CDKN2A: variants seen among roughly 807,000 people sequenced by gnomAD.
CDKN2A encodes cyclin dependent kinase inhibitor 2A, also known as cyclin-dependent kinase inhibitor 2A.
In CDKN2A, 3 loss-of-function variants were observed where a neutral mutation model predicts 11.1. The observed-to-expected ratio is 0.27, with a 90% confidence interval of 0.12 to 0.70. The LOEUF (loss-of-function observed/expected upper bound fraction) is 0.70. CDKN2A is among the 30% of genes least tolerant of loss of function. The probability of loss-of-function intolerance (pLI) is 0.77; values close to 1 mark genes in which losing one functional copy is unlikely to be tolerated. For missense variants in CDKN2A, 265 were observed against 233.6 expected (o/e 1.13, Z -0.88); for synonymous variants, 122 against 108.1 (o/e 1.13, Z -0.80).
chr9:21,970,747 G>T, intron 2 of CDKN2A, 155 bp downstream of exon 2: 1 of 920,342 alleles, frequency 1.1e-6, no homozygotes, highest in African/African-American at 1.6e-5. Context: ...GGCGGGGCAG[G>T]GCGATAGGGA....
chr9:21,993,799 CTGTGTGTGTG>C (rs71336508), intron 2 of CDKN2A: 11,693 of 246,850 alleles, frequency 0.047, 146 homozygotes, highest in Non-Finnish European at 0.058. Flanking sequence ...ACCTTTCCTA[CTGTGTGTGTG>C]TGTGTGTGTG....
At chr9:21,975,214 C>T, upstream of CDKN2A, 1 of 1,050,188 alleles carries the variant, frequency 9.5e-7, no homozygotes, top group Non-Finnish European at 1.2e-6. Context: ...TCCCTGCTCC[C>T]AGCCGCGCTC....
chr9:21,972,253 C>G (rs1819801395), intron 1 of CDKN2A, among the ~76,000 whole-genome samples: 1 of 152,132 alleles, frequency 6.6e-6, no homozygotes. Context: ...CCCCCACCCC[C>G]AATGTCTATG....
intron 2 of CDKN2A, chr9:21,989,868 G>C (rs184738708): frequency 6.6e-6 from 1 of 152,364 alleles, no homozygotes; most frequent in Admixed American, 6.5e-5. Flanking sequence ...AGTGCGCGCG[G>C]TGGAGTGATA....
upstream of CDKN2A, among the ~76,000 whole-genome samples, chr9:21,976,617 A>C (rs1288147206): frequency 6.6e-6 from 1 of 151,714 alleles, no homozygotes; most frequent in Non-Finnish European, 1.5e-5. Flanking sequence ...TCGGAGGCTG[A>C]TGTAGGAGAA....
intron 2 of CDKN2A, chr9:21,970,288 TC>T (rs1469483667): frequency 4.2e-6 from 1 of 237,984 alleles, no homozygotes; most frequent in Non-Finnish European, 8.2e-6. Context: ...AGGAGCCAAC[TC>T]CGGTGCACAG....
chr9:21,984,275 C>G (rs955091258), intron 2 of CDKN2A, among the ~76,000 whole-genome samples: 1 of 151,870 alleles, frequency 6.6e-6, no homozygotes. Flanking sequence ...CATGTTATGA[C>G]AGAAGAATTT....
At chr9:21,993,476 G>A (rs1271989586) in intron 2 of CDKN2A, among the ~76,000 whole-genome samples, 2 of 152,122 alleles carry the variant, frequency 1.3e-5, no homozygotes, top group Non-Finnish European at 2.9e-5. Flanking sequence ...GCATTGTCCC[G>A]AGCAGTTTCA....
In CDKN2A at chr9:21,968,131, G is replaced by A. The variant is rs1819497602; in HGVS notation, c.*98C>T. ...TATTTTCTAAATGAAAACTACGAAA[G>A]CGGGGTGGGTTGTGGCGGGGGCAGT... On this transcript the variant is annotated 3_prime_UTR_variant, in exon 3 of 3. Transcript: ENST00000304494. This position sits in a 1 kb window ranked among gnomAD's most constrained non-coding sequence, Gnocchi z 4.7. 7 of 1,026,072 alleles carry A rather than the reference G, an allele frequency of 6.8e-6. No homozygotes were observed. The highest frequency in any genetic ancestry group is 9.3e-6 in the Non-Finnish European group (6 of 643,604). 63.6% of individuals were successfully genotyped at this position (1,026,072 alleles called of 1,614,324 possible).
At chr9:21,990,026 G>C (rs901096290) in intron 2 of CDKN2A, 2 of 152,472 alleles carry the variant, frequency 1.3e-5, no homozygotes, top group Admixed American at 1.3e-4. Flanking sequence ...TGGAGGAGCA[G>C]CGTGCATCTC....
chr9:21,974,588 C>T lies in CDKN2A; in HGVS notation c.150+90G>A, dbSNP rs535365274. The T allele has an allele frequency of 6.2e-7, 1 of 1,613,896 alleles. No homozygotes were observed. Among genetic ancestry groups the T allele is most frequent in the Non-Finnish European group, 8.5e-7 (1 of 1,179,988 alleles). On this transcript the variant is annotated intron_variant, in intron 1 of 2. Transcript: ENST00000304494. This position sits in a 1 kb window ranked among gnomAD's most constrained non-coding sequence, Gnocchi z 5.2. The stretch of plus-strand genomic sequence containing the variant: ...GAAGCCTCCCCTTTTTCCGGAGAAT[C>T]GAAGCGCTACCTGATTCCAATTCCC...
rs147763861 is a variant in CDKN2A at position 21,990,206 on chromosome 9, T to A, written c.-4+3676A>T. On this transcript the variant is annotated intron_variant, in intron 2 of 3. Transcript: ENST00000494262. ...AGATCCCAAGAAGGGCGCCAAGTGC[T>A]GTGACCAGAGGCCTAACACGAGGCA... is the stretch of plus-strand genomic sequence containing the variant. Among the ~76,000 whole-genome samples the A allele has an allele frequency of 5.7e-3, 862 of 152,220 alleles. 9 individuals carry two copies. Among genetic ancestry groups the A allele is most frequent in the African/African-American group, 0.02 (820 of 41,536 alleles).
upstream of CDKN2A, among the ~76,000 whole-genome samples, chr9:21,976,195 A>G (rs1165979089): frequency 1.3e-5 from 2 of 151,936 alleles, no homozygotes; most frequent in African/African-American, 2.4e-5. Context: ...CTTGGCCAAA[A>G]TGGTGACACC....
chr9:21,977,459 G>C (rs749362348), upstream of CDKN2A, among the ~76,000 whole-genome samples: 2 of 152,068 alleles, frequency 1.3e-5, no homozygotes, highest in Non-Finnish European at 2.9e-5. Flanking sequence ...TCCGCCTCCC[G>C]GGTTCGAGCA....
chr9:21,968,378 A>G lies in CDKN2A; in HGVS notation c.458-136T>C, dbSNP rs1044592281. On this transcript the variant is annotated intron_variant, in intron 2 of 2. Coordinates refer to ENST00000304494, the MANE Select transcript of CDKN2A (RefSeq NM_000077.5). The surrounding 1 kb of genome is among the most constrained non-coding windows in gnomAD (Gnocchi z 4.7). Reference sequence around the variant, plus strand: ...AAGTTCTCGCAATGGCTTCACGTGCATGTACCCGCCGCCACCGCTCTCCCA... The same window carrying G: ...AAGTTCTCGCAATGGCTTCACGTGCGTGTACCCGCCGCCACCGCTCTCCCA... 4 of 1,502,374 alleles carry G rather than the reference A, an allele frequency of 2.7e-6. No homozygotes were observed. In the African/African-American group the frequency reaches 5.5e-5, roughly 21 times the overall value. The allele number at this position is 1,502,374 out of a possible 1,614,324, so 93.1% of individuals were successfully genotyped here. A position where few individuals can be genotyped will look rare whatever the true frequency, so the allele number is the denominator to read the frequency against.
rs72547294 is a variant in CDKN2A, at chr9:21,991,807, T to C, written c.-4+2075A>G. Reference sequence around the variant, plus strand: ...TAAGTCTTGATTTCTGAAAGGGCTATGGTTCACTTGGAACACAATACAAAC... The same window carrying C: ...TAAGTCTTGATTTCTGAAAGGGCTACGGTTCACTTGGAACACAATACAAAC... On this transcript the variant is annotated intron_variant, in intron 2 of 3. Coordinates refer to the CDKN2A transcript ENST00000494262. The surrounding 1 kb of genome is among the most constrained non-coding windows in gnomAD (Gnocchi z 5.2). 1 of 985,258 alleles carries C rather than the reference T, an allele frequency of 1.0e-6. No homozygotes were observed. 61.0% of individuals were successfully genotyped at this position (985,258 alleles called of 1,614,324 possible). A position where few individuals can be genotyped will look rare whatever the true frequency, so the allele number is the denominator to read the frequency against.
chr9:21,994,592 G>T (rs1202167163), intron 1 of CDKN2A: 2 of 790,580 alleles, frequency 2.5e-6, no homozygotes, highest in Non-Finnish European at 3.5e-6. Context: ...CGCGGGAAGG[G>T]CTGCCGGAGG....
intron 2 of CDKN2A, among the ~76,000 whole-genome samples, chr9:21,987,434 G>GCACACACACAC (rs1820328865): frequency 8.8e-6 from 1 of 113,174 alleles, no homozygotes; most frequent in East Asian, 2.6e-4. Flanking sequence ...CACACACACA[G>GCACACACACAC]AGAGAGAGAG....
chr9:21,968,077 G>A lies in CDKN2A; in HGVS notation c.*152C>T, dbSNP rs983922540. ...GTAGTGGGGGAAGGCATATATCTAC[G>A]TTAAAAGGCAGGACATTTTTAAAAG... On this transcript the variant is annotated 3_prime_UTR_variant, in exon 3 of 3. Coordinates refer to ENST00000304494, the MANE Select transcript of CDKN2A (RefSeq NM_000077.5). The surrounding 1 kb of genome is among the most constrained non-coding windows in gnomAD (Gnocchi z 4.7). 7 of 733,760 alleles carry A rather than the reference G, an allele frequency of 9.5e-6. No individual in the cohort carries two copies. Among genetic ancestry groups the A allele is most frequent in the East Asian group, 2.6e-5 (1 of 39,192 alleles). 45.5% of individuals were successfully genotyped at this position (733,760 alleles called of 1,614,324 possible).
Sources: allele counts gnomAD v4.1 joint callset (sites outside exome capture counted in the v4.1 genomes callset), GRCh38; gene constraint gnomAD v4.1.1; non-coding constraint Gnocchi (gnomAD v3.1); transcripts MANE v1.5; gene names NCBI Gene and HGNC (gene_info 2026-07-23, HGNC 2026-07-21).